Variants in TRPM3 observed in about 807,000 individuals in gnomAD.
TRPM3 encodes long transient receptor potential channel 3.
In TRPM3, 77 loss-of-function variants were observed where a neutral mutation model predicts 181.2. That is an observed-to-expected ratio of 0.42 (90% CI 0.35 to 0.51). The LOEUF is 0.51. Ranked by LOEUF, TRPM3 falls within the 20% of genes least tolerant of loss-of-function variation. The pLI, the probability that TRPM3 is intolerant of heterozygous loss-of-function variation, is 0.01. For missense variants in TRPM3, 1,759 were observed against 2,196.7 expected (o/e 0.80, Z 3.98); for synonymous variants, 745 against 796.4 (o/e 0.94, Z 1.09).
At chr9:70,898,789 AAG>A (rs1267083799) in intron 1 of TRPM3, among the ~76,000 whole-genome samples, 1 of 151,756 alleles carries the variant, frequency 6.6e-6, no homozygotes, top group Non-Finnish European at 1.5e-5. Flanking sequence ...AAAGAAAAGA[AAG>A]AAAAAATTTA....
chr9:71,006,955 C>T (rs551606456), intron 1 of TRPM3, among the ~76,000 whole-genome samples: 34 of 140,636 alleles, frequency 2.4e-4, no homozygotes, highest in African/African-American at 7.8e-4. Context: ...AAGAGAATCA[C>T]TTGAACCTGG....
chr9:71,120,780 C>G (rs1188032727), intron 1 of TRPM3, among the ~76,000 whole-genome samples: 1 of 152,090 alleles, frequency 6.6e-6, no homozygotes, highest in Non-Finnish European at 1.5e-5. Context: ...CGAAGGGCTT[C>G]CCCAGGGAGA....
chr9:70,679,161 A>C (rs2064793292), intron 9 of TRPM3, among the ~76,000 whole-genome samples: 1 of 152,240 alleles, frequency 6.6e-6, no homozygotes, highest in Admixed American at 6.5e-5. Flanking sequence ...CAGCATTTAA[A>C]AGAAAAGAAT....
At chr9:71,196,386 A>T (rs773099292) in intron 1 of TRPM3, among the ~76,000 whole-genome samples, 11 of 151,984 alleles carry the variant, frequency 7.2e-5, no homozygotes, top group Admixed American at 2.0e-4. Context: ...CTCAATTTTC[A>T]AAAGTCTTCC....
intron 1 of TRPM3, among the ~76,000 whole-genome samples, chr9:71,436,337 T>C (rs10114613): frequency 0.82 from 113,558 of 138,070 alleles, 48,194 homozygotes; most frequent in Non-Finnish European, 0.93. Context: ...GCATCTTGCT[T>C]TGTCACACAG....
chr9:70,998,130 TAC>T (rs1564932548), intron 1 of TRPM3, among the ~76,000 whole-genome samples: 3 of 110,290 alleles, frequency 2.7e-5, no homozygotes, highest in Admixed American at 1.0e-4. Flanking sequence ...TTTATATATA[TAC>T]ATATATATAC....
At chr9:71,141,259 C>T (rs934209267) in intron 1 of TRPM3, among the ~76,000 whole-genome samples, 1 of 152,142 alleles carries the variant, frequency 6.6e-6, no homozygotes, top group Non-Finnish European at 1.5e-5. Context: ...AATGTACTCA[C>T]CTTCAGAGAT....
intron 9 of TRPM3, among the ~76,000 whole-genome samples, chr9:70,663,504 C>A (rs2061408341): frequency 6.6e-6 from 1 of 152,158 alleles, no homozygotes; most frequent in South Asian, 2.1e-4. Context: ...AGATCTTTGA[C>A]ATTATATTGT....
chr9:70,663,416 G>A (rs10122654), intron 9 of TRPM3, among the ~76,000 whole-genome samples: 57,647 of 151,868 alleles, frequency 0.38, 11,367 homozygotes, highest in African/African-American at 0.47. Flanking sequence ...AATAACTACT[G>A]AGTGTTCAAA....
At position 71,408,708 on chromosome 9, in the gene TRPM3, A is replaced by G. The variant is rs192267264; in HGVS notation, c.183+37945T>C. Among the ~76,000 whole-genome samples the G allele has an allele frequency of 2.0e-5, 3 of 152,340 alleles. No individual in the cohort carries two copies. The East Asian group carries it at 5.8e-4, about 29-fold the overall frequency. ...GGATATCATCCAGGAGAACTTCCCC[A>G]ACCTAGCAAGGCAGGCCAACATTCA... On this transcript the variant is annotated intron_variant, in intron 1 of 24. Coordinates refer to the TRPM3 transcript ENST00000357533.
At chr9:71,205,294 A>G (rs1247228945) in intron 1 of TRPM3, among the ~76,000 whole-genome samples, 2 of 152,194 alleles carry the variant, frequency 1.3e-5, no homozygotes, top group South Asian at 4.1e-4. Flanking sequence ...TGAAAGAGGA[A>G]CAAGAACGAT....
chr9:71,247,996 C>A (rs2082133339), intron 1 of TRPM3, among the ~76,000 whole-genome samples: 1 of 152,162 alleles, frequency 6.6e-6, no homozygotes, highest in African/African-American at 2.4e-5. Flanking sequence ...ATGTCAAAAG[C>A]TGATAGACTG....
At chr9:70,616,721 G>T (rs538617090) in intron 17 of TRPM3, among the ~76,000 whole-genome samples, 2 of 152,138 alleles carry the variant, frequency 1.3e-5, no homozygotes, top group South Asian at 4.2e-4. Flanking sequence ...CCCCCAGTGG[G>T]CTCCGTATGT....
chr9:70,694,731 C>T (rs146082802), intron 8 of TRPM3, among the ~76,000 whole-genome samples: 3,254 of 152,304 alleles, frequency 0.021, 55 homozygotes, highest in Middle Eastern at 0.034. Context: ...CCACCCGCCT[C>T]GGCCTCCCAA....
At chr9:70,841,691 T>A (rs2094674803) in intron 5 of TRPM3, among the ~76,000 whole-genome samples, 1 of 143,468 alleles carries the variant, frequency 7.0e-6, no homozygotes, top group African/African-American at 2.6e-5. Context: ...TATAGATATA[T>A]CCCACCATAT....
At chr9:70,683,598 C>T (rs1450792125) in intron 8 of TRPM3, among the ~76,000 whole-genome samples, 1 of 151,888 alleles carries the variant, frequency 6.6e-6, no homozygotes, top group Non-Finnish European at 1.5e-5. Flanking sequence ...GCCAAACAAA[C>T]TCCATCTATC....
At position 71,446,784 on chromosome 9, in the gene TRPM3, G is replaced by A. The variant is rs191324427; in HGVS notation, c.52C>T (p.Arg18Cys). The change falls in exon 1 of 25, where the codon CGC (arginine) becomes TGC (cysteine). Residue 18 changes from arginine to cysteine, a missense_variant. Physicochemically the swap from Arg to Cys is radical, Grantham distance 180. Transcript: ENST00000357533. Reference sequence around the variant, plus strand: ...CTGCGGCTCTCCGCGTTGTCCTCGCGGTCGGAGCAGCCCCGCTCCATTTCC... The same window carrying A: ...CTGCGGCTCTCCGCGTTGTCCTCGCAGTCGGAGCAGCCCCGCTCCATTTCC... 9.2e-4 allele frequency: 1,426 copies of A among 1,550,362 alleles called. 10 individuals carry two copies. The African/African-American group carries it at 0.017, about 19-fold the overall frequency.
chr9:70,646,944 G>T (rs7849603), intron 9 of TRPM3, among the ~76,000 whole-genome samples: 1 of 148,804 alleles, frequency 6.7e-6, no homozygotes, highest in Non-Finnish European at 1.5e-5. Flanking sequence ...AAACCTAGAA[G>T]AAATTGATAA....
intron 1 of TRPM3, among the ~76,000 whole-genome samples, chr9:71,060,423 T>C (rs2061182612): frequency 6.6e-6 from 1 of 152,080 alleles, no homozygotes; most frequent in Non-Finnish European, 1.5e-5. Flanking sequence ...TAAGATCAAA[T>C]GTATAACATG....
Sources: allele counts gnomAD v4.1 joint callset (sites outside exome capture counted in the v4.1 genomes callset), GRCh38; gene constraint gnomAD v4.1.1; transcripts MANE v1.5; gene names NCBI Gene and HGNC (gene_info 2026-07-23, HGNC 2026-07-21).